Variants in TNC observed in about 807,000 individuals in gnomAD.
TNC encodes the protein tenascin.
TNC carries 109 observed loss-of-function variants against 202.4 expected under a neutral mutation model. That is an observed-to-expected ratio of 0.54 (90% CI 0.46 to 0.63). The LOEUF (loss-of-function observed/expected upper bound fraction) is 0.63. Among genes scored for constraint, TNC ranks in the 30% least tolerant of loss-of-function variants. The pLI is 0.00. For missense variants in TNC, 2,756 were observed against 2,833.3 expected, an observed-to-expected ratio of 0.97 and a Z score of 0.62; for synonymous variants, 1,007 against 1,089.7, an observed-to-expected ratio of 0.92 and a Z score of 1.50.
In TNC at chr9:115,057,252, G is replaced by A; in HGVS notation, c.4480C>T (p.His1494Tyr). ...GTACTAGGGGGTAGCCCTGAGATAT[G>A]GGCAGTTCGTTCAGCACCAGAGATA... ...YNISGAERTA[H>Y]ISGLPPSTDF... The change falls in exon 15 of 28, where the codon CAT becomes TAT. Residue 1494 changes from histidine to tyrosine, a missense_variant. Coordinates refer to ENST00000350763, the MANE Select transcript of TNC (RefSeq NM_002160.4). 1 of 1,614,104 alleles carries A rather than the reference G, an allele frequency of 6.2e-7. No individual in the cohort carries two copies. Among genetic ancestry groups the A allele is most frequent in the Non-Finnish European group, 8.5e-7 (1 of 1,180,010 alleles).
chr9:115,021,064 G>T lies in TNC; in HGVS notation c.*93C>A. 1 of 1,065,022 alleles carries T rather than the reference G, an allele frequency of 9.4e-7. No homozygotes were observed. Among genetic ancestry groups the T allele is most frequent in the Non-Finnish European group, 1.4e-6 (1 of 710,448 alleles). The allele number at this position is 1,065,022 out of a possible 1,614,324, so 66.0% of individuals were successfully genotyped here. ...TGACTCTCACCAAATGCCCAGGTGT[G>T]GACCGATGGTTGGGCTGGTTGTATT... On this transcript the variant is annotated 3_prime_UTR_variant, in exon 28 of 28. Coordinates refer to ENST00000350763, the MANE Select transcript of TNC (RefSeq NM_002160.4).
Position 115,090,547 on chromosome 9 carries a change from G to C in TNC, c.457+15C>G, listed in dbSNP as rs1290384775. ...GTTTGCACAGTGTGGGACTGGGCGG[G>C]CCACCAGCTCATACCTGTGGCAGGC... On this transcript the variant is annotated intron_variant, in intron 2 of 27. Coordinates refer to ENST00000350763, the MANE Select transcript of TNC (RefSeq NM_002160.4). The C allele has an allele frequency of 2.6e-6, 4 of 1,549,516 alleles. No homozygotes were observed. In the Admixed American group the frequency reaches 5.7e-5, roughly 22 times the overall value.
intron 12 of TNC, 70 bp downstream of exon 12, chr9:115,063,726 G>C (rs1163673078): frequency 1.3e-6 from 2 of 1,514,746 alleles, no homozygotes; most frequent in African/African-American, 1.4e-5. Context: ...TTTAAAGCAA[G>C]AAAGTGCTTT....
intron 17 of TNC, among the ~76,000 whole-genome samples, chr9:115,044,836 C>T (rs1254370422): frequency 6.6e-6 from 1 of 152,084 alleles, no homozygotes; most frequent in African/African-American, 2.4e-5. Flanking sequence ...TTCTCCAAGC[C>T]TACAAATACT....
At chr9:115,052,754 G>A (rs1292776143) in intron 15 of TNC, 2 of 702,408 alleles carry the variant, frequency 2.8e-6, no homozygotes, top group Non-Finnish European at 5.2e-6. Context: ...AATGACAAAG[G>A]CAGTGAGGGG....
chr9:115,042,289 A>T lies in TNC; in HGVS notation c.5178T>A (p.Ala1726=). The part of the protein sequence containing the change: ...VIFSDITENS[A]TVSWRAPTAQ... The stretch of plus-strand genomic sequence containing the variant: ...CTGTGGGTGCCCTCCAGCTGACAGT[A>T]GCCGAATTTTCAGTGATGTCTGAGA... Residue 1726 remains alanine, a synonymous_variant, in exon 18 of 28, where the codon GCT becomes GCA. Coordinates refer to ENST00000350763, the MANE Select transcript of TNC (RefSeq NM_002160.4). 6.2e-7 allele frequency: 1 copy of T among 1,614,150 alleles called. No individual in the cohort carries two copies.
chr9:115,094,950 T>C (rs919500656), intron 1 of TNC, among the ~76,000 whole-genome samples: 1 of 151,940 alleles, frequency 6.6e-6, no homozygotes, highest in African/African-American at 2.4e-5. Flanking sequence ...GAGAAAGACT[T>C]TTCTAGTTGG....
chr9:115,078,451 G>A (rs191968900), intron 6 of TNC, among the ~76,000 whole-genome samples: 95 of 150,676 alleles, frequency 6.3e-4, no homozygotes, highest in African/African-American at 2.1e-3. Flanking sequence ...GATAAAGCTT[G>A]CAAAGCATCT....
chr9:115,078,265 G>T, intron 6 of TNC, 53 bp from the exon 7 acceptor site: 1 of 1,538,302 alleles, frequency 6.5e-7, no homozygotes, highest in Non-Finnish European at 8.8e-7. Flanking sequence ...ATTGCCTGAG[G>T]CTTAGCAGAG....
chr9:115,057,063 G>A (rs1047349224), intron 15 of TNC, 90 bp downstream of exon 15: 2 of 1,441,578 alleles, frequency 1.4e-6, no homozygotes, highest in East Asian at 4.8e-5. Context: ...CCTGTGGCTT[G>A]TACATCAATG....
intron 4 of TNC, among the ~76,000 whole-genome samples, chr9:115,083,275 G>A (rs973345647): frequency 5.3e-5 from 8 of 152,144 alleles, no homozygotes; most frequent in Admixed American, 2.0e-4. Context: ...ATAAATGGCA[G>A]CCAATGTTAT....
intron 24 of TNC, among the ~76,000 whole-genome samples, chr9:115,029,805 T>C (rs555644012): frequency 6.6e-6 from 1 of 152,316 alleles, no homozygotes; most frequent in Admixed American, 6.5e-5. Context: ...AATTGTGCCA[T>C]GAACCTAAAA....
chr9:115,045,931 C>T (rs541112924), intron 17 of TNC, among the ~76,000 whole-genome samples: 1 of 152,166 alleles, frequency 6.6e-6, no homozygotes, highest in South Asian at 2.1e-4. Context: ...CGTGCTGCTT[C>T]TCCATTATCT....
At chr9:115,079,382 A>G (rs1295694507) in intron 6 of TNC, among the ~76,000 whole-genome samples, 2 of 152,226 alleles carry the variant, frequency 1.3e-5, no homozygotes, top group African/African-American at 4.8e-5. Context: ...GTGTTGACAC[A>G]TCAGTCCCAG....
intron 15 of TNC, among the ~76,000 whole-genome samples, chr9:115,052,473 C>A (rs906714382): frequency 4.5e-5 from 5 of 112,098 alleles, no homozygotes; most frequent in Non-Finnish European, 8.0e-5. Context: ...GTTCTCACAG[C>A]ACAATAAATA....
At chr9:115,067,192 T>C (rs1359123189) in intron 10 of TNC, among the ~76,000 whole-genome samples, 1 of 152,224 alleles carries the variant, frequency 6.6e-6, no homozygotes, top group East Asian at 1.9e-4. Context: ...ACCCTTGACA[T>C]TGGGATTTAA....
chr9:115,096,417 A>C (rs540217981), intron 1 of TNC, among the ~76,000 whole-genome samples: 2 of 152,224 alleles, frequency 1.3e-5, no homozygotes, highest in Admixed American at 1.3e-4. Context: ...ACAATATGAG[A>C]CAGTGCAGAT....
At chr9:115,104,235 C>A (rs1287566449) in intron 1 of TNC, among the ~76,000 whole-genome samples, 1 of 152,154 alleles carries the variant, frequency 6.6e-6, no homozygotes, top group Non-Finnish European at 1.5e-5. Context: ...ATCTAGTTGG[C>A]TCTTTCAGAA....
chr9:115,060,540 C>G (rs993649507), intron 13 of TNC, among the ~76,000 whole-genome samples: 31 of 152,176 alleles, frequency 2.0e-4, no homozygotes, highest in Admixed American at 2.0e-3. Context: ...AGTATCATAC[C>G]TGATACATGG....
Sources: gnomAD v4.1 joint callset for allele counts (sites outside exome capture counted in the v4.1 genomes callset) on GRCh38, gnomAD v4.1.1 for gene constraint, MANE v1.5 for transcripts, NCBI Gene and HGNC (gene_info 2026-07-23, HGNC 2026-07-21) for gene names.